PHF12: variants seen among roughly 807,000 people sequenced by gnomAD.
PHF12 encodes PHD finger protein 12.
A neutral mutation model predicts 99.8 loss-of-function variants in PHF12; 6 were observed. The observed-to-expected ratio is 0.06, with a 90% CI of 0.03 to 0.12. The LOEUF (loss-of-function observed/expected upper bound fraction) is 0.12, where lower values mean the gene tolerates loss of function less well. Ranked by LOEUF, PHF12 falls within the 10% of genes least tolerant of loss-of-function variation. PHF12 has a pLI of 1.00. For missense variants in PHF12, 954 were observed against 1,300.1 expected, an observed-to-expected ratio of 0.73 and a Z score of 4.09; for synonymous variants, 480 against 514.9, an observed-to-expected ratio of 0.93 and a Z score of 0.92.
chr17:28,947,350 T>C (rs2040738252), intron 2 of PHF12, among the ~76,000 whole-genome samples: 1 of 152,040 alleles, frequency 6.6e-6, no homozygotes, highest in Non-Finnish European at 1.5e-5. Flanking sequence ...ATCTAACTAC[T>C]CTGATTGAGT....
At position 28,906,258 on chromosome 17, in the gene PHF12, C is replaced by T. The variant is rs770845685; in HGVS notation, c.2940G>A (p.Gln980=). 5.6e-6 allele frequency: 9 copies of T among 1,613,580 alleles called. No homozygotes were observed. Among genetic ancestry groups the T allele is most frequent in the Non-Finnish European group, 7.6e-6 (9 of 1,179,602 alleles). The change falls in exon 15 of 15, where the codon CAG becomes CAA. Residue 980 remains glutamine (Q), a synonymous_variant. Transcript: ENST00000332830. The surrounding 1 kb of genome is among the most constrained non-coding windows in gnomAD (Gnocchi z 4.2). ...KQPKGDASLL[Q]DGVLAEKLSL... ...AGAGCTTCTCGGCCAAGACCCCATC[C>T]TGCAGCAGGCTGGCATCGCCTTTGG... is the stretch of plus-strand genomic sequence containing the variant.
At chr17:28,910,029 G>A in intron 11 of PHF12, 197 bp downstream of exon 11, 1 of 795,850 alleles carries the variant, frequency 1.3e-6, no homozygotes, top group Non-Finnish European at 2.1e-6. Context: ...ACTTCCCCAA[G>A]TCTGATCAGA....
intron 2 of PHF12, among the ~76,000 whole-genome samples, chr17:28,942,096 AAAC>A (rs1194549967): frequency 6.6e-6 from 1 of 152,216 alleles, no homozygotes; most frequent in Non-Finnish European, 1.5e-5. Context: ...AGAAAAGTTG[AAAC>A]AACAACATAC....
intron 3 of PHF12, 36 bp downstream of exon 3, chr17:28,926,955 G>A (rs762265182): frequency 5.6e-6 from 9 of 1,611,522 alleles, no homozygotes; most frequent in Non-Finnish European, 7.6e-6. Context: ...TCTGGATCAG[G>A]CTTTCTGGAC....
In PHF12 at chr17:28,907,068, T is replaced by A. The variant is rs1355742029; in HGVS notation, c.2542-74A>T. ...TGGGGCTAAGGGGAGAGAGGACATA[T>A]GGAGAAGGCCGTGCTACTCTACCTA... On this transcript the variant is annotated intron_variant, in intron 13 of 14. Transcript: ENST00000332830. 2.0e-6 allele frequency: 3 copies of A among 1,491,098 alleles called. No homozygotes were observed. The East Asian group carries it at 7.0e-5, about 35-fold the overall frequency. The allele number at this position is 1,491,098 out of a possible 1,614,324, so 92.4% of individuals were successfully genotyped here. A position where few individuals can be genotyped will look rare whatever the true frequency, so the allele number is the denominator to read the frequency against.
rs374164942 is a variant in PHF12, at chr17:28,913,423, T to C, written c.1294-146A>G. ...CACAAAGGGTGTGCTTGACTCCTGA[T>C]AGAATTCCATTTCCATTCCCAAGCA... On this transcript the variant is annotated intron_variant, in intron 8 of 14. Coordinates refer to ENST00000332830, the MANE Select transcript of PHF12 (RefSeq NM_001033561.2). The C allele has an allele frequency of 7.2e-5, 103 of 1,421,784 alleles. No homozygotes were observed. In the African/African-American group the frequency reaches 1.4e-3, roughly 19 times the overall value. The allele number at this position is 1,421,784 out of a possible 1,614,324, so 88.1% of individuals were successfully genotyped here.
At position 28,906,156 on chromosome 17, in the gene PHF12, A is replaced by G; in HGVS notation, c.*27T>C. 2 of 1,564,192 alleles carry G rather than the reference A, an allele frequency of 1.3e-6. No homozygotes were observed. The highest frequency in any genetic ancestry group is 1.2e-5 in the South Asian group (1 of 85,774). On this transcript the variant is annotated 3_prime_UTR_variant, in exon 15 of 15. Coordinates refer to ENST00000332830, the MANE Select transcript of PHF12 (RefSeq NM_001033561.2). The surrounding 1 kb of genome is among the most constrained non-coding windows in gnomAD (Gnocchi z 4.2). ...TTGCAGGAGTCTTGGGTGGGTGTACAGGCCAGTGGCGGGGTAGCCGCCAGT... is the reference window on the plus strand; with the variant it reads ...TTGCAGGAGTCTTGGGTGGGTGTACGGGCCAGTGGCGGGGTAGCCGCCAGT...
intron 7 of PHF12, among the ~76,000 whole-genome samples, chr17:28,914,452 C>T (rs1188066538): frequency 2.6e-5 from 4 of 151,908 alleles, no homozygotes; most frequent in Non-Finnish European, 5.9e-5. Flanking sequence ...GCGGGAGGAT[C>T]ATGAGGTCAG....
chr17:28,917,258 T>C (rs776562749), intron 7 of PHF12, 27 bp downstream of exon 7: 2 of 1,612,478 alleles, frequency 1.2e-6, no homozygotes, highest in Non-Finnish European at 1.7e-6. Flanking sequence ...CAGACTACCA[T>C]CTTGCCTGCA....
At chr17:28,946,181 AG>A (rs1425570072) in intron 2 of PHF12, among the ~76,000 whole-genome samples, 1 of 152,210 alleles carries the variant, frequency 6.6e-6, no homozygotes, top group Admixed American at 6.5e-5. Context: ...CCAATTCTCT[AG>A]GGACAGGTTT....
In PHF12 at chr17:28,949,372, G is replaced by A. The variant is rs1202059243; in HGVS notation, c.248+693C>T. On this transcript the variant is annotated intron_variant, in intron 2 of 14. Coordinates refer to ENST00000332830, the MANE Select transcript of PHF12 (RefSeq NM_001033561.2). This position sits in a 1 kb window ranked among gnomAD's most constrained non-coding sequence, Gnocchi z 4.6. ...GCAACAGGGGGCAAGCGGAGGCAGA[G>A]AAAGGGGATCAAAGCGGCGAGATCC... 6.6e-6 allele frequency among the ~76,000 whole-genome samples: 1 copy of A among 152,174 alleles called. No individual in the cohort carries two copies. The highest frequency in any genetic ancestry group is 2.4e-5 in the African/African-American group (1 of 41,452).
At chr17:28,907,335 A>T in intron 13 of PHF12, 1 of 536,288 alleles carries the variant, frequency 1.9e-6, no homozygotes, top group Non-Finnish European at 3.3e-6. Flanking sequence ...CCCTTGCTTT[A>T]GGGTAGGCTC....
In PHF12 at chr17:28,940,418, A is replaced by C. The variant is rs574994015; in HGVS notation, c.248+9647T>G. On this transcript the variant is annotated intron_variant, in intron 2 of 14. Coordinates refer to ENST00000332830, the MANE Select transcript of PHF12 (RefSeq NM_001033561.2). Reference sequence around the variant, plus strand: ...GACTCACTCTCTGAGTGAGCAAGTCAAGTTTTTCATTACTTTGAAAATTGC... The same window carrying C: ...GACTCACTCTCTGAGTGAGCAAGTCCAGTTTTTCATTACTTTGAAAATTGC... Among the ~76,000 whole-genome samples the C allele has an allele frequency of 1.4e-4, 22 of 152,328 alleles. No individual in the cohort carries two copies. The East Asian group carries it at 4.0e-3, about 28-fold the overall frequency.
Position 28,951,191 on chromosome 17 carries a change from C to T in PHF12, c.-231G>A, listed in dbSNP as rs1046410903. ...CGGCCCCTCAGTCCCGGCCCGGCTG[C>T]TGGCTGCACAGTGGGTCCCGGCTCC... On this transcript the variant is annotated 5_prime_UTR_variant, in exon 1 of 15. Transcript: ENST00000332830. The T allele has an allele frequency of 3.9e-5, 55 of 1,399,274 alleles. No individual in the cohort carries two copies. The highest frequency in any genetic ancestry group is 2.4e-4 in the Admixed American group (8 of 33,280). 86.7% of individuals were successfully genotyped at this position (1,399,274 alleles called of 1,614,324 possible).
Position 28,910,375 on chromosome 17 carries a change from A to G in PHF12, c.2216-6T>C, listed in dbSNP as rs778463547. 2 of 1,604,142 alleles carry G rather than the reference A, an allele frequency of 1.2e-6. No individual in the cohort carries two copies. Among genetic ancestry groups the G allele is most frequent in the Non-Finnish European group, 1.7e-6 (2 of 1,173,396 alleles). On this transcript the variant is annotated splice_region_variant and splice_polypyrimidine_tract_variant and intron_variant, in intron 10 of 14. Coordinates refer to ENST00000332830, the MANE Select transcript of PHF12 (RefSeq NM_001033561.2). ...CAGCATATTTATCTCGATTTCTATT[A>G]GCCAAAGAGAAAGATTAAAAAGCAG...
rs2040221134 is a variant in PHF12, at chr17:28,924,073, TCGA to T, written c.548_550del (p.Val183del). On this transcript the variant is annotated inframe_deletion, in exon 4 of 15. Coordinates refer to ENST00000332830, the MANE Select transcript of PHF12 (RefSeq NM_001033561.2). ...CTCATCCACGTCAATGATGTCTTCG[TCGA>T]CATCATTCTGCTCAGAGGTGGGAGT... is the stretch of plus-strand genomic sequence containing the variant. 1.9e-6 allele frequency: 3 copies of T among 1,614,232 alleles called. No individual in the cohort carries two copies. The highest frequency in any genetic ancestry group is 2.5e-6 in the Non-Finnish European group (3 of 1,180,038).
rs757876288 is a variant in PHF12 at position 28,926,977 on chromosome 17, A to G, written c.321+14T>C. 8 of 1,613,698 alleles carry G rather than the reference A, an allele frequency of 5.0e-6. No individual in the cohort carries two copies. The African/African-American group carries it at 9.3e-5, about 19-fold the overall frequency. On this transcript the variant is annotated intron_variant, in intron 3 of 14. Coordinates refer to ENST00000332830, the MANE Select transcript of PHF12 (RefSeq NM_001033561.2). ...CAGGCTTTCTGGACAGTCTTCAGAAAGCAGCATTATTACCTTTCGGCGAAC... is the reference window on the plus strand; with the variant it reads ...CAGGCTTTCTGGACAGTCTTCAGAAGGCAGCATTATTACCTTTCGGCGAAC...
intron 4 of PHF12, among the ~76,000 whole-genome samples, chr17:28,922,409 A>T (rs962686685): frequency 3.9e-5 from 6 of 152,262 alleles, no homozygotes; most frequent in Non-Finnish European, 8.8e-5. Context: ...TTTCATAAAA[A>T]TCAGAGAAGC....
In PHF12 at chr17:28,919,230, G is replaced by A. The variant is rs1270013983; in HGVS notation, c.882C>T (p.Leu294=). The change falls in exon 6 of 15, where the codon CTC becomes CTT. Residue 294 remains leucine, a synonymous_variant. Transcript: ENST00000332830. Reference sequence around the variant, plus strand: ...GCTCGAGGCAATCCATGTGAAACAGGAGAGGGCAATAGTCACACTGGATGA... The same window carrying A: ...GCTCGAGGCAATCCATGTGAAACAGAAGAGGGCAATAGTCACACTGGATGA... The part of the protein sequence containing the change: ...APLIQCDYCP[L]LFHMDCLEPP... 2 of 1,614,104 alleles carry A rather than the reference G, an allele frequency of 1.2e-6. No individual in the cohort carries two copies. The highest frequency in any genetic ancestry group is 1.7e-6 in the Non-Finnish European group (2 of 1,180,036).
Sources: allele counts gnomAD v4.1 joint callset (sites outside exome capture counted in the v4.1 genomes callset), GRCh38; gene constraint gnomAD v4.1.1; non-coding constraint Gnocchi (gnomAD v3.1); transcripts MANE v1.5; gene names NCBI Gene and HGNC (gene_info 2026-07-23, HGNC 2026-07-21).